The following CEP350 variants were observed in gnomAD, a reference collection of about 807,000 sequenced individuals.
CEP350 encodes the protein centrosomal protein 350, also known as centrosome-associated protein 350.
CEP350 carries 126 observed loss-of-function variants against 331.8 expected under a neutral mutation model. The ratio of observed to expected loss-of-function variants is 0.38; its 90% CI spans 0.33 to 0.44. CEP350 has a LOEUF of 0.44. Among genes scored for constraint, CEP350 ranks in the 20% least tolerant of loss-of-function variants. The pLI is 1.00. For missense variants in CEP350, 3,406 were observed against 3,634.6 expected (o/e 0.94, Z 1.62); for synonymous variants, 1,200 against 1,259.5 (o/e 0.95, Z 1.00).
In CEP350 at chr1:180,112,201, T is replaced by A. The variant is rs1378063607; in HGVS notation, c.*1040T>A. ...GATAAATTATTAAGTTGAAAATGTGTGTCCCTATTCAGAAGTGAAAGATTC... is the reference window on the plus strand; with the variant it reads ...GATAAATTATTAAGTTGAAAATGTGAGTCCCTATTCAGAAGTGAAAGATTC... On this transcript the variant is annotated 3_prime_UTR_variant, in exon 38 of 38. Coordinates refer to ENST00000367607, the MANE Select transcript of CEP350 (RefSeq NM_014810.5). 6.5e-6 allele frequency: 1 copy of A among 152,690 alleles called. No individual in the cohort carries two copies. The highest frequency in any genetic ancestry group is 1.5e-5 in the Non-Finnish European group (1 of 68,038). The allele number at this position is 152,690 out of a possible 1,614,324, so 9.5% of individuals were successfully genotyped here.
chr1:179,972,080 G>A lies in CEP350; in HGVS notation c.-13-14089G>A, dbSNP rs551093509. ...GGATGACTGAGATAAGGAATACCTC[G>A]TTTGTTTTTTGTGCGATAATGAGCT... On this transcript the variant is annotated intron_variant, in intron 1 of 37. Transcript: ENST00000367607. 4.6e-5 allele frequency among the ~76,000 whole-genome samples: 7 copies of A among 152,214 alleles called. No individual in the cohort carries two copies. In the East Asian group the frequency reaches 1.2e-3, roughly 25 times the overall value.
At chr1:180,073,944 G>GAAC in intron 27 of CEP350, 1 of 1,301,774 alleles carries the variant, frequency 7.7e-7, no homozygotes, top group South Asian at 1.2e-5. Flanking sequence ...CTCTTTGATA[G>GAAC]AGCATGCTCT....
chr1:180,095,406 G>A lies in CEP350; in HGVS notation c.8512-117G>A, dbSNP rs1013358181. On this transcript the variant is annotated intron_variant, in intron 34 of 37. Coordinates refer to ENST00000367607, the MANE Select transcript of CEP350 (RefSeq NM_014810.5). ...TAGCCACCATATTGTTTTTTATTCTGCTTACTTATAGAGAAATATTAGATA... is the reference window on the plus strand; with the variant it reads ...TAGCCACCATATTGTTTTTTATTCTACTTACTTATAGAGAAATATTAGATA... 4 of 1,196,838 alleles carry A rather than the reference G, an allele frequency of 3.3e-6. No individual in the cohort carries two copies. The African/African-American group carries it at 4.6e-5, about 14-fold the overall frequency. The allele number at this position is 1,196,838 out of a possible 1,614,324, so 74.1% of individuals were successfully genotyped here.
rs7534582 is a variant in CEP350, at chr1:180,060,756, A to T, written c.5263-1464A>T. 3.3e-3 allele frequency among the ~76,000 whole-genome samples: 506 copies of T among 152,340 alleles called. 1 individual carries two copies. Among genetic ancestry groups the T allele is most frequent in the African/African-American group, 0.011 (454 of 41,584 alleles). Reference sequence around the variant, plus strand: ...TTAAAAGGCGTAAATTAGCATGGTGAAATATCAAAAGTGATATCTAGTAAA... The same window carrying T: ...TTAAAAGGCGTAAATTAGCATGGTGTAATATCAAAAGTGATATCTAGTAAA... On this transcript the variant is annotated intron_variant, in intron 25 of 37. Coordinates refer to ENST00000367607, the MANE Select transcript of CEP350 (RefSeq NM_014810.5).
intron 15 of CEP350, among the ~76,000 whole-genome samples, chr1:180,033,658 G>A (rs1348622047): frequency 1.3e-5 from 2 of 152,102 alleles, no homozygotes; most frequent in Non-Finnish European, 2.9e-5. Context: ...TGCCTTGCTT[G>A]TTCACCACTG....
chr1:180,070,800 T>C (rs1658830327), intron 27 of CEP350, among the ~76,000 whole-genome samples: 2 of 152,230 alleles, frequency 1.3e-5, no homozygotes, highest in Non-Finnish European at 2.9e-5. Context: ...AGATGGCTAA[T>C]TACTGGAGTT....
rs1656956533 is a variant in CEP350 at position 180,044,099 on chromosome 1, C to T, written c.4548C>T (p.Asp1516=). 2.6e-6 allele frequency: 4 copies of T among 1,559,774 alleles called. No homozygotes were observed. The highest frequency in any genetic ancestry group is 2.6e-6 in the Non-Finnish European group (3 of 1,150,736). ...CTCAGAGTAAAGAAGGGACCCTTGA[C>T]TCAAAGCATCAGAAGTATTCTGCTT... ...SLSQSKEGTL[D]SKHQKYSASY... Residue 1516 remains aspartate, a synonymous_variant, in exon 21 of 38, where the codon GAC becomes GAT. Coordinates refer to ENST00000367607, the MANE Select transcript of CEP350 (RefSeq NM_014810.5).
At chr1:179,985,162 C>G (rs1652561420) in intron 1 of CEP350, among the ~76,000 whole-genome samples, 1 of 152,160 alleles carries the variant, frequency 6.6e-6, no homozygotes, top group African/African-American at 2.4e-5. Flanking sequence ...CCATTCTTCT[C>G]TTTTCCCAGC....
rs4058356 is a variant in CEP350, at chr1:180,050,673, CAA to C, written c.4792+1984_4792+1985del. Among the ~76,000 whole-genome samples the C allele has an allele frequency of 4.5e-3, 381 of 84,052 alleles. 2 individuals are homozygous for C. The highest frequency in any genetic ancestry group is 0.012 in the African/African-American group (301 of 25,508). The allele number at this position is 84,052 out of a possible 152,430, so 55.1% of individuals were successfully genotyped here. Reference sequence around the variant, plus strand: ...AGTGAGATTCTGTCTCCAAAAAAACCAAAAAAAAAAAAAAAAACAAAAAAACC... The same window carrying C: ...AGTGAGATTCTGTCTCCAAAAAAACCAAAAAAAAAAAAAAACAAAAAAACC... On this transcript the variant is annotated intron_variant, in intron 22 of 37. Coordinates refer to ENST00000367607, the MANE Select transcript of CEP350 (RefSeq NM_014810.5).
chr1:180,046,253 C>T (rs141856628), intron 21 of CEP350, among the ~76,000 whole-genome samples: 42 of 152,322 alleles, frequency 2.8e-4, no homozygotes, highest in Non-Finnish European at 4.6e-4. Context: ...ATACCCTCCT[C>T]TGGCAACCAC....
At chr1:179,972,533 C>A (rs1262923733) in intron 1 of CEP350, among the ~76,000 whole-genome samples, 5 of 152,000 alleles carry the variant, frequency 3.3e-5, no homozygotes, top group Non-Finnish European at 7.4e-5. Context: ...GAGAGGGAGT[C>A]TTGCTCTGTC....
chr1:180,048,832 G>T, intron 22 of CEP350, 127 bp downstream of exon 22: 2 of 719,206 alleles, frequency 2.8e-6, no homozygotes, highest in Non-Finnish European at 4.6e-6. Context: ...ACTTTGGGAG[G>T]CTGAGCTGGG....
rs754949081 is a variant in CEP350 at position 180,013,966 on chromosome 1, G to C, written c.1513G>C (p.Ala505Pro). Residue 505 changes from alanine to proline, a missense_variant, in exon 10 of 38, where the codon GCT becomes CCT. Ala to Pro is a conservative substitution (Grantham distance 27, BLOSUM62 -1). Around this residue, in one of 5 missense-constraint regions of CEP350, gnomAD observed 1,857 missense variants for 1,909.2 expected, o/e 0.97. Transcript: ENST00000367607. ...SRSENNIKKL[A>P]SSLPDNKQEE... The stretch of plus-strand genomic sequence containing the variant: ...GTCTGAAAATAATATAAAGAAACTA[G>C]CTTCATCTCTTCCAGATAATAAGCA... The C allele has an allele frequency of 2.5e-6, 4 of 1,613,628 alleles. No individual in the cohort carries two copies. In the South Asian group the frequency reaches 3.3e-5, roughly 13 times the overall value.
intron 5 of CEP350, among the ~76,000 whole-genome samples, chr1:179,995,244 G>A (rs923832812): frequency 6.6e-6 from 1 of 151,776 alleles, no homozygotes; most frequent in African/African-American, 2.4e-5. Flanking sequence ...CATGATTCAT[G>A]TGCTCTTCTC....
intron 1 of CEP350, among the ~76,000 whole-genome samples, chr1:179,977,807 C>A (rs530127673): frequency 1.2e-3 from 179 of 151,668 alleles, no homozygotes; most frequent in Non-Finnish European, 2.0e-3. Context: ...TTTTTTAAAA[C>A]TTTTTGACTC....
Position 180,093,722 on chromosome 1 carries a change from T to C in CEP350, c.7617T>C (p.Asn2539=). 1.2e-6 allele frequency: 2 copies of C among 1,613,910 alleles called. No homozygotes were observed. The highest frequency in any genetic ancestry group is 1.7e-6 in the Non-Finnish European group (2 of 1,179,824). Residue 2539 remains asparagine (N), a synonymous_variant, in exon 34 of 38, where the codon AAT becomes AAC. Coordinates refer to ENST00000367607, the MANE Select transcript of CEP350 (RefSeq NM_014810.5). ...TAGATAAACCTGAAGGAAATAACAA[T>C]GGAACATATGATGGTATTGCATATT... ...VELDKPEGNN[N]GTYDGIAYFE...
At position 179,955,005 on chromosome 1, in the gene CEP350, G is replaced by A. The variant is rs902677352; in HGVS notation, c.-151G>A. On this transcript the variant is annotated 5_prime_UTR_variant, in exon 1 of 38. Coordinates refer to ENST00000367607, the MANE Select transcript of CEP350 (RefSeq NM_014810.5). Reference sequence around the variant, plus strand: ...CGGCGGATCCCCGGAGCCGGTGCGAGGAGGGCACCCGGTGCGTCCCCGGAG... The same window carrying A: ...CGGCGGATCCCCGGAGCCGGTGCGAAGAGGGCACCCGGTGCGTCCCCGGAG... 2.3e-6 allele frequency: 3 copies of A among 1,292,316 alleles called. No homozygotes were observed. Among genetic ancestry groups the A allele is most frequent in the Admixed American group, 4.1e-5 (1 of 24,454 alleles). 80.1% of individuals were successfully genotyped at this position (1,292,316 alleles called of 1,614,324 possible).
chr1:180,093,567 G>A lies in CEP350; in HGVS notation c.7462G>A (p.Val2488Ile), dbSNP rs776926427. 1.2e-6 allele frequency: 2 copies of A among 1,613,982 alleles called. No homozygotes were observed. The highest frequency in any genetic ancestry group is 2.2e-5 in the South Asian group (2 of 91,080). The change falls in exon 34 of 38, where the codon GTT (valine) becomes ATT (isoleucine). Residue 2488 changes from valine to isoleucine, a missense_variant. By Grantham distance (29) the Val-to-Ile change is conservative. Transcript: ENST00000367607. The stretch of plus-strand genomic sequence containing the variant: ...TACTGAATCCCCTTCCTTGGCTTCA[G>A]TTCCTACTGCAGACGAGTTATTTGA... ...QVTESPSLAS[V>I]PTADELFDFH...
intron 1 of CEP350, among the ~76,000 whole-genome samples, chr1:179,976,658 A>G (rs568453793): frequency 8.8e-4 from 134 of 152,246 alleles, no homozygotes; most frequent in African/African-American, 2.9e-3. Flanking sequence ...TCTCAAAAAA[A>G]AAAAAAAGAA....
Sources: allele counts gnomAD v4.1 joint callset (sites outside exome capture counted in the v4.1 genomes callset), GRCh38; gene constraint gnomAD v4.1.1; regional missense constraint gnomAD v4.1.1; transcripts MANE v1.5; gene names NCBI Gene and HGNC (gene_info 2026-07-23, HGNC 2026-07-21).